NR5A2: variants seen among roughly 807,000 people sequenced by gnomAD.
The protein encoded by NR5A2 is CYP7A promoter-binding factor.
A neutral mutation model predicts 62.7 loss-of-function variants in NR5A2; 26 were observed. The observed-to-expected ratio is 0.41, with a 90% CI of 0.30 to 0.58. The LOEUF (loss-of-function observed/expected upper bound fraction) is 0.58. Among genes scored for constraint, NR5A2 ranks in the 20% least tolerant of loss-of-function variants. The pLI is 0.22. For synonymous variants in NR5A2, 246 were observed against 241.7 expected, an observed-to-expected ratio of 1.02 and a Z score of -0.16; for missense variants, 541 against 669.1, an observed-to-expected ratio of 0.81 and a Z score of 2.11.
chr1:200,048,977 CTG>C lies in NR5A2; in HGVS notation c.1110+162_1110+163del, dbSNP rs1662512097. Among the ~76,000 whole-genome samples the C allele has an allele frequency of 6.6e-6, 1 of 152,076 alleles. No homozygotes were observed. Among genetic ancestry groups the C allele is most frequent in the African/African-American group, 2.4e-5 (1 of 41,410 alleles). ...TAATTTTATTACCTTGACTTCAGGA[CTG>C]TGGCAGCTTAAATTTATGGGGCTTT... On this transcript the variant is annotated intron_variant, in intron 5 of 7. Transcript: ENST00000367362. The surrounding 1 kb of genome is among the most constrained non-coding windows in gnomAD (Gnocchi z 4.8).
chr1:200,115,710 C>T (rs779788909), intron 6 of NR5A2, among the ~76,000 whole-genome samples: 8 of 151,982 alleles, frequency 5.3e-5, no homozygotes, highest in Non-Finnish European at 5.9e-5. Context: ...CACAGGTAAG[C>T]CCCATTACAC....
intron 6 of NR5A2, among the ~76,000 whole-genome samples, chr1:200,119,400 A>G (rs972990980): frequency 6.6e-6 from 1 of 152,178 alleles, no homozygotes; most frequent in Non-Finnish European, 1.5e-5. Flanking sequence ...TGCCTCCCAG[A>G]CAAATTTGCT....
intron 1 of NR5A2, among the ~76,000 whole-genome samples, chr1:200,036,444 C>T (rs1256082375): frequency 6.6e-6 from 1 of 152,148 alleles, no homozygotes; most frequent in Non-Finnish European, 1.5e-5. Flanking sequence ...GGAGGGAGTT[C>T]TGAGGGAGAA....
Position 200,127,424 on chromosome 1 carries a change from C to T in NR5A2, c.1378+6469C>T, listed in dbSNP as rs535700188. Reference sequence around the variant, plus strand: ...GGGTACAGTGGCTCATGCCTGTAATCCTAGCACTTTGGGAGGCCAAGGCGG... The same window carrying T: ...GGGTACAGTGGCTCATGCCTGTAATTCTAGCACTTTGGGAGGCCAAGGCGG... On this transcript the variant is annotated intron_variant, in intron 7 of 7. Transcript: ENST00000367362. 7.7e-4 allele frequency among the ~76,000 whole-genome samples: 117 copies of T among 151,922 alleles called. 1 individual carries two copies. The highest frequency in any genetic ancestry group is 2.7e-3 in the African/African-American group (111 of 41,444).
At chr1:200,081,467 C>A (rs1054862504) in intron 5 of NR5A2, among the ~76,000 whole-genome samples, 2 of 152,132 alleles carry the variant, frequency 1.3e-5, no homozygotes, top group African/African-American at 4.8e-5. Context: ...AAGCTCATTC[C>A]GAATTAGTAA....
chr1:200,126,378 T>C (rs1666700408), intron 7 of NR5A2, among the ~76,000 whole-genome samples: 1 of 152,202 alleles, frequency 6.6e-6, no homozygotes, highest in Non-Finnish European at 1.5e-5. Context: ...AGTTCTTTTA[T>C]CTGTCAAATT....
chr1:200,150,041 A>G (rs1246337613), intron 7 of NR5A2, among the ~76,000 whole-genome samples: 1 of 151,990 alleles, frequency 6.6e-6, no homozygotes, highest in Non-Finnish European at 1.5e-5. Flanking sequence ...AGCAGCATAT[A>G]ATGGATGGAT....
chr1:200,087,832 A>G (rs187882295), intron 5 of NR5A2, among the ~76,000 whole-genome samples: 7 of 149,230 alleles, frequency 4.7e-5, no homozygotes, highest in African/African-American at 1.7e-4. Context: ...GATCACTGCA[A>G]CCTCCGCCTC....
intron 6 of NR5A2, among the ~76,000 whole-genome samples, chr1:200,117,706 A>AT (rs766043240): frequency 4.0e-5 from 6 of 150,694 alleles, no homozygotes; most frequent in Admixed American, 6.6e-5. Context: ...TTAACTAGTG[A>AT]TTTTTTTTTC....
At chr1:200,122,183 A>C (rs1221125816) in intron 7 of NR5A2, among the ~76,000 whole-genome samples, 2 of 152,222 alleles carry the variant, frequency 1.3e-5, no homozygotes, top group African/African-American at 2.4e-5. Flanking sequence ...TATTAACCAC[A>C]ATAAAAAGGA....
At chr1:200,087,515 C>T (rs1664608411) in intron 5 of NR5A2, among the ~76,000 whole-genome samples, 1 of 151,862 alleles carries the variant, frequency 6.6e-6, no homozygotes, top group South Asian at 2.1e-4. Flanking sequence ...CTGCCTCAGC[C>T]TCCTAAGTAG....
chr1:200,105,897 C>T (rs939762276), intron 5 of NR5A2, among the ~76,000 whole-genome samples: 4 of 151,876 alleles, frequency 2.6e-5, no homozygotes, highest in African/African-American at 4.8e-5. Flanking sequence ...GGATCTATGA[C>T]GTCAATTTTA....
Position 200,039,209 on chromosome 1 carries a change from G to A in NR5A2, c.65-449G>A, listed in dbSNP as rs61486545. 0.27 allele frequency among the ~76,000 whole-genome samples: 41,633 copies of A among 152,000 alleles called. 7,120 individuals are homozygous for A. The highest frequency in any genetic ancestry group is 0.7 in the East Asian group (3,595 of 5,104). ...AGAGAGAAGGGAGGCGAGAGAAAGA[G>A]GAGAGAGACCCCTGCCGATCCTGAG... On this transcript the variant is annotated intron_variant, in intron 1 of 7. Transcript: ENST00000367362. The surrounding 1 kb of genome is among the most constrained non-coding windows in gnomAD (Gnocchi z 5.1).
chr1:200,117,491 T>A (rs954769955), intron 6 of NR5A2, among the ~76,000 whole-genome samples: 1 of 152,242 alleles, frequency 6.6e-6, no homozygotes, highest in East Asian at 1.9e-4. Context: ...TAAAGGTCTC[T>A]CACTAAATAT....
chr1:200,059,476 A>G (rs1663086764), intron 5 of NR5A2, among the ~76,000 whole-genome samples: 1 of 152,180 alleles, frequency 6.6e-6, no homozygotes, highest in Non-Finnish European at 1.5e-5. Flanking sequence ...TCCAGTACTT[A>G]TGCTTTTCCA....
At chr1:200,104,728 T>C (rs1389828186) in intron 5 of NR5A2, among the ~76,000 whole-genome samples, 1 of 152,216 alleles carries the variant, frequency 6.6e-6, no homozygotes, top group East Asian at 1.9e-4. Flanking sequence ...AGTGGCGCGA[T>C]CTCGGCTCAC....
chr1:200,147,978 G>A lies in NR5A2; in HGVS notation c.1379-25985G>A. ...GTGGTAGGCGATGCATCGGGCGGCC[G>A]CCTTGACCTCCTCCCGCGAGCCGAA... On this transcript the variant is annotated intron_variant, in intron 7 of 7. Coordinates refer to ENST00000367362, the MANE Select transcript of NR5A2 (RefSeq NM_205860.3). This position sits in a 1 kb window ranked among gnomAD's most constrained non-coding sequence, Gnocchi z 4.9. The A allele has an allele frequency of 6.3e-6, 2 of 317,220 alleles. No individual in the cohort carries two copies. The highest frequency in any genetic ancestry group is 2.2e-5 in the African/African-American group (1 of 45,230). 19.7% of individuals were successfully genotyped at this position (317,220 alleles called of 1,614,324 possible).
intron 6 of NR5A2, among the ~76,000 whole-genome samples, chr1:200,112,199 A>C (rs1665984911): frequency 6.6e-6 from 1 of 152,178 alleles, no homozygotes; most frequent in African/African-American, 2.4e-5. Flanking sequence ...GCTTTATTGG[A>C]AATGTAACAT....
At chr1:200,163,278 A>AAAGAAG (rs1278395622) in intron 7 of NR5A2, among the ~76,000 whole-genome samples, 1 of 150,990 alleles carries the variant, frequency 6.6e-6, no homozygotes, top group Non-Finnish European at 1.5e-5. Flanking sequence ...AAAAAAAAAA[A>AAAGAAG]AAGAAGAAGA....
Sources: allele counts gnomAD v4.1 joint callset (sites outside exome capture counted in the v4.1 genomes callset), GRCh38; gene constraint gnomAD v4.1.1; non-coding constraint Gnocchi (gnomAD v3.1); transcripts MANE v1.5; gene names NCBI Gene and HGNC (gene_info 2026-07-23, HGNC 2026-07-21).